PFKP: variants seen among roughly 807,000 people sequenced by gnomAD.
The protein encoded by PFKP is ATP-dependent 6-phosphofructokinase, platelet type.
In PFKP, 101 loss-of-function variants were observed where a neutral mutation model predicts 94.3. The ratio of observed to expected loss-of-function variants is 1.07; its 90% CI spans 0.91 to 1.26. The LOEUF is 1.26. PFKP is among the 50% of genes most tolerant of loss of function. PFKP has a pLI of 0.00. For missense variants in PFKP, 1,145 were observed against 1,103.3 expected (o/e 1.04, Z -0.53); for synonymous variants, 573 against 432.6 (o/e 1.32, Z -4.03).
intron 16 of PFKP, among the ~76,000 whole-genome samples, chr10:3,128,642 C>T (rs933121186): frequency 2.0e-5 from 3 of 152,210 alleles, no homozygotes; most frequent in African/African-American, 7.2e-5. Context: ...CTGGCGCCTC[C>T]TCCTTCCATG....
chr10:3,067,841 A>T, intron 1 of PFKP, 134 bp downstream of exon 1: 1 of 442,342 alleles, frequency 2.3e-6, no homozygotes, highest in Non-Finnish European at 4.0e-6. Flanking sequence ...TGGCGAAGCG[A>T]TGGGGAGAAC....
At position 3,067,691 on chromosome 10, in the gene PFKP, C is replaced by T. The variant is rs2131357430; in HGVS notation, c.96C>T (p.Ser32=). The T allele has an allele frequency of 6.6e-7, 1 of 1,509,798 alleles. No individual in the cohort carries two copies. 93.5% of individuals were successfully genotyped at this position (1,509,798 alleles called of 1,614,324 possible). A position where few individuals can be genotyped will look rare whatever the true frequency, so the allele number is the denominator to read the frequency against. Residue 32 remains serine (S), a synonymous_variant, in exon 1 of 22, where the codon AGC becomes AGT. Transcript: ENST00000381125. ...GCAAGGCCATCGGCGTGCTGACCAG[C>T]GGCGGGGATGCTCAAGGTGCGCGCC... ...GAGKAIGVLT[S]GGDAQGMNAA...
intron 1 of PFKP, among the ~76,000 whole-genome samples, chr10:3,077,055 G>A (rs1376345689): frequency 1.3e-5 from 2 of 151,988 alleles, no homozygotes; most frequent in African/African-American, 2.4e-5. Context: ...GGGAGGAGTC[G>A]GCAAACTGAC....
Position 3,113,527 on chromosome 10 carries a change from C to T in PFKP, c.1371+9C>T, listed in dbSNP as rs1016979603. On this transcript the variant is annotated intron_variant, in intron 13 of 21. Coordinates refer to ENST00000381125, the MANE Select transcript of PFKP (RefSeq NM_002627.5). ...GCTTCGCCAAGGGCCAGGTGAGTCA[C>T]CCAGGATGCCGTAGGCAGGCAGACA... The T allele has an allele frequency of 5.6e-6, 9 of 1,610,644 alleles. No individual in the cohort carries two copies. In the East Asian group the frequency reaches 1.3e-4, roughly 24 times the overall value.
rs558520595 is a variant in PFKP at position 3,107,272 on chromosome 10, C to A, written c.833C>A (p.Thr278Asn). The A allele has an allele frequency of 2.5e-6, 4 of 1,611,634 alleles. No individual in the cohort carries two copies. The highest frequency in any genetic ancestry group is 2.2e-5 in the South Asian group (2 of 91,010). The change falls in exon 8 of 22, where the codon ACC (threonine) becomes AAC (asparagine). Residue 278 changes from threonine to asparagine, a missense_variant. Physicochemically the swap from Thr to Asn is moderately conservative, Grantham distance 65. Around this residue, in one of 3 missense-constraint regions of PFKP, gnomAD observed 1,119 missense variants for 1,062.8 expected, o/e 1.05. Coordinates refer to ENST00000381125, the MANE Select transcript of PFKP (RefSeq NM_002627.5). ...IIIVAEGAID[T>N]QNKPITSEKI... Reference sequence around the variant, plus strand: ...ATTGTGGCTGAAGGAGCAATTGATACCCAAAATAAACCCATCACCTCTGAG... The same window carrying A: ...ATTGTGGCTGAAGGAGCAATTGATAACCAAAATAAACCCATCACCTCTGAG...
intron 8 of PFKP, chr10:3,108,032 G>T (rs1331836253): frequency 7.8e-7 from 1 of 1,287,846 alleles, no homozygotes; most frequent in Non-Finnish European, 1.0e-6. Context: ...CATATCTCTG[G>T]ATATGAAAAC....
chr10:3,108,914 C>G, intron 9 of PFKP, 121 bp downstream of exon 9: 3 of 736,752 alleles, frequency 4.1e-6, no homozygotes, highest in Non-Finnish European at 7.3e-6. Flanking sequence ...GCCCGCGGCC[C>G]GGCCCTCATC....
chr10:3,093,230 CCTGA>C (rs1199392768), intron 2 of PFKP, among the ~76,000 whole-genome samples: 1 of 152,098 alleles, frequency 6.6e-6, no homozygotes, highest in Non-Finnish European at 1.5e-5. Context: ...CCCTCCCATC[CCTGA>C]CTGTCACCCC....
At chr10:3,086,980 T>C (rs1346431025) in intron 2 of PFKP, among the ~76,000 whole-genome samples, 1 of 146,434 alleles carries the variant, frequency 6.8e-6, no homozygotes, top group Non-Finnish European at 1.5e-5. Context: ...CTGATGTTTG[T>C]TTGTTTTTGA....
At position 3,134,164 on chromosome 10, in the gene PFKP, G is replaced by T. The variant is rs114445429; in HGVS notation, c.2023-319G>T. 7.2e-4 allele frequency among the ~76,000 whole-genome samples: 109 copies of T among 152,312 alleles called. 1 individual carries two copies. Among genetic ancestry groups the T allele is most frequent in the African/African-American group, 2.2e-3 (91 of 41,554 alleles). On this transcript the variant is annotated intron_variant, in intron 19 of 21. Coordinates refer to ENST00000381125, the MANE Select transcript of PFKP (RefSeq NM_002627.5). ...GTGATCTTCTTAAAGAATCCACAACGGTTATCAGATTAAAGCTGTGACCCA... is the reference window on the plus strand; with the variant it reads ...GTGATCTTCTTAAAGAATCCACAACTGTTATCAGATTAAAGCTGTGACCCA...
At position 3,129,875 on chromosome 10, in the gene PFKP, C is replaced by A. The variant is rs148174090; in HGVS notation, c.1740C>A (p.Ile580=). Residue 580 remains isoleucine, a synonymous_variant, in exon 17 of 22, where the codon ATC becomes ATA. Coordinates refer to ENST00000381125, the MANE Select transcript of PFKP (RefSeq NM_002627.5). ...ASGTKRRVFI[I]ETMGGYCGYL... is the part of the protein sequence containing the mutation. ...GAACCAAGCGGCGCGTGTTCATCAT[C>A]GAGACCATGGGCGGCTACTGTGGCT... The A allele has an allele frequency of 6.2e-7, 1 of 1,613,718 alleles. No individual in the cohort carries two copies. Among genetic ancestry groups the A allele is most frequent in the South Asian group, 1.1e-5 (1 of 91,084 alleles).
intron 16 of PFKP, among the ~76,000 whole-genome samples, chr10:3,125,778 G>A (rs1298448089): frequency 6.6e-6 from 1 of 152,218 alleles, no homozygotes; most frequent in Non-Finnish European, 1.5e-5. Context: ...TCGTGGGTGT[G>A]GTGCTGACAC....
At chr10:3,080,180 A>G (rs566132233) in intron 1 of PFKP, among the ~76,000 whole-genome samples, 5 of 152,276 alleles carry the variant, frequency 3.3e-5, no homozygotes, top group Admixed American at 3.3e-4. Context: ...GTTTTCTTCC[A>G]GTAGCCCTGG....
chr10:3,093,095 G>T (rs373189226), intron 2 of PFKP, among the ~76,000 whole-genome samples: 6 of 152,072 alleles, frequency 3.9e-5, no homozygotes, highest in Non-Finnish European at 5.9e-5. Flanking sequence ...CTGAGCTCCC[G>T]CTCCTGGGAT....
chr10:3,099,655 C>T (rs150755885), intron 3 of PFKP, among the ~76,000 whole-genome samples: 11 of 152,276 alleles, frequency 7.2e-5, no homozygotes, highest in South Asian at 4.2e-4. Flanking sequence ...TCCTGAGCTC[C>T]GACACATCAG....
intron 4 of PFKP, among the ~76,000 whole-genome samples, chr10:3,102,700 G>T (rs1485866665): frequency 6.6e-6 from 1 of 152,238 alleles, no homozygotes; most frequent in African/African-American, 2.4e-5. Context: ...CCAAAGTGTA[G>T]TTTTTCTCCC....
At chr10:3,103,087 G>C (rs1414186414) in intron 4 of PFKP, among the ~76,000 whole-genome samples, 1 of 152,254 alleles carries the variant, frequency 6.6e-6, no homozygotes, top group African/African-American at 2.4e-5. Flanking sequence ...TGAGAAATCA[G>C]TGTGAAGATG....
intron 2 of PFKP, among the ~76,000 whole-genome samples, chr10:3,093,638 C>CTTTTTT (rs765547765): frequency 0.013 from 1,235 of 94,026 alleles, 126 homozygotes; most frequent in African/African-American, 0.056. Flanking sequence ...CAAGCATTAT[C>CTTTTTT]TTTTTTTTTT....
At position 3,112,296 on chromosome 10, in the gene PFKP, T is replaced by G; in HGVS notation, c.1154+10T>G. 6.2e-7 allele frequency: 1 copy of G among 1,609,814 alleles called. No individual in the cohort carries two copies. The highest frequency in any genetic ancestry group is 8.5e-7 in the Non-Finnish European group (1 of 1,176,106). ...TTCGACTCCGAGGGAGGTGAGGTGC[T>G]TTGGAGAAAGCTCTGCCCTGTCAGG... On this transcript the variant is annotated intron_variant, in intron 11 of 21. Transcript: ENST00000381125.
Sources: gnomAD v4.1 joint callset for allele counts (sites outside exome capture counted in the v4.1 genomes callset) on GRCh38, gnomAD v4.1.1 for gene constraint, gnomAD v4.1.1 regional missense constraint, MANE v1.5 for transcripts, NCBI Gene and HGNC (gene_info 2026-07-23, HGNC 2026-07-21) for gene names.